The following MEOX2 variants were observed in gnomAD, a reference collection of about 807,000 sequenced individuals.
The protein encoded by MEOX2 is homeobox protein MOX-2.
A neutral mutation model predicts 27.0 loss-of-function variants in MEOX2; 11 were observed. The ratio of observed to expected loss-of-function variants is 0.41; its 90% confidence interval spans 0.26 to 0.68. The LOEUF (loss-of-function observed/expected upper bound fraction) is 0.68, where lower values mean the gene tolerates loss of function less well. Among genes scored for constraint, MEOX2 ranks in the 30% least tolerant of loss-of-function variants. The probability of loss-of-function intolerance (pLI) is 0.33; values close to 1 mark genes in which losing one functional copy is unlikely to be tolerated. For synonymous variants in MEOX2, 189 were observed against 155.4 expected, an observed-to-expected ratio of 1.22 and a Z score of -1.61; for missense variants, 436 against 385.4, an observed-to-expected ratio of 1.13 and a Z score of -1.10.
At chr7:15,640,097 G>A (rs13437993) in intron 1 of MEOX2, among the ~76,000 whole-genome samples, 20 of 152,038 alleles carry the variant, frequency 1.3e-4, no homozygotes, top group African/African-American at 4.8e-4. Flanking sequence ...TAATGATATT[G>A]ATTCTTCCTA....
rs566180335 is a variant in MEOX2, at chr7:15,656,812, A to C, written c.517+29074T>G. Among the ~76,000 whole-genome samples the C allele has an allele frequency of 2.0e-5, 3 of 151,888 alleles. 1 individual carries two copies. The highest frequency in any genetic ancestry group is 7.2e-5 in the African/African-American group (3 of 41,450). On this transcript the variant is annotated intron_variant, in intron 1 of 2. Coordinates refer to ENST00000262041, the MANE Select transcript of MEOX2 (RefSeq NM_005924.5). ...TTCTTTTTCCTTTTGATGTTCTAAG[A>C]TTACTTCCTTTATCATTTCTTTTTT... is the stretch of plus-strand genomic sequence containing the variant.
intron 1 of MEOX2, among the ~76,000 whole-genome samples, chr7:15,646,528 C>G (rs1049411624): frequency 6.6e-6 from 1 of 151,956 alleles, no homozygotes; most frequent in African/African-American, 2.4e-5. Context: ...TATTAAAACT[C>G]TGGGTTACTG....
intron 1 of MEOX2, among the ~76,000 whole-genome samples, chr7:15,638,256 ATTTC>A (rs1689031242): frequency 6.6e-6 from 1 of 152,032 alleles, no homozygotes; most frequent in South Asian, 2.1e-4. Flanking sequence ...GTATGCTTTT[ATTTC>A]TTTCATGTTT....
chr7:15,652,499 G>A (rs562765821), intron 1 of MEOX2, among the ~76,000 whole-genome samples: 1 of 152,064 alleles, frequency 6.6e-6, no homozygotes, highest in South Asian at 2.1e-4. Context: ...AAATATCTAA[G>A]AAGAGTATAA....
intron 2 of MEOX2, among the ~76,000 whole-genome samples, chr7:15,623,933 T>C (rs1342211171): frequency 6.6e-6 from 1 of 152,258 alleles, no homozygotes; most frequent in African/African-American, 2.4e-5. Flanking sequence ...ATATTTGTGT[T>C]ACAAAATGAT....
chr7:15,686,107 G>T lies in MEOX2; in HGVS notation c.296C>A (p.Ser99Tyr). 6.3e-7 allele frequency: 1 copy of T among 1,583,730 alleles called. No homozygotes were observed. Among genetic ancestry groups the T allele is most frequent in the Non-Finnish European group, 8.6e-7 (1 of 1,166,008 alleles). ...GCTGTGCCGAGCCGCACTCGGTGGGGAAGACATCTGCGGGAGGTGCCAGTT... is the reference window on the plus strand; with the variant it reads ...GCTGTGCCGAGCCGCACTCGGTGGGTAAGACATCTGCGGGAGGTGCCAGTT... ...QTNWHLPQMS[S>Y]PPSAARHSLC... Residue 99 changes from serine to tyrosine, a missense_variant, in exon 1 of 3, where the codon TCC becomes TAC. By Grantham distance (144) the Ser-to-Tyr change is moderately radical. Transcript: ENST00000262041.
At chr7:15,624,460 G>A (rs988711355) in intron 2 of MEOX2, among the ~76,000 whole-genome samples, 12 of 152,144 alleles carry the variant, frequency 7.9e-5, no homozygotes, top group African/African-American at 2.9e-4. Context: ...TTGGTCACAT[G>A]GCTTGCTTTG....
chr7:15,645,451 A>G (rs1452545707), intron 1 of MEOX2, among the ~76,000 whole-genome samples: 1 of 152,206 alleles, frequency 6.6e-6, no homozygotes, highest in Non-Finnish European at 1.5e-5. Flanking sequence ...AAAAGTATAG[A>G]CATGGGCTCA....
At chr7:15,672,099 A>AG (rs1210175666) in intron 1 of MEOX2, among the ~76,000 whole-genome samples, 4 of 151,222 alleles carry the variant, frequency 2.6e-5, no homozygotes, top group African/African-American at 9.8e-5. Flanking sequence ...TTTAAAAAAA[A>AG]ACAAAAAAAA....
At chr7:15,666,852 T>C (rs1323191492) in intron 1 of MEOX2, among the ~76,000 whole-genome samples, 2 of 140,536 alleles carry the variant, frequency 1.4e-5, no homozygotes, top group East Asian at 4.0e-4. Flanking sequence ...ATCCTAGGAA[T>C]AGATTTTGCA....
chr7:15,677,092 C>G (rs545388618), intron 1 of MEOX2, among the ~76,000 whole-genome samples: 3 of 152,134 alleles, frequency 2.0e-5, no homozygotes, highest in Non-Finnish European at 4.4e-5. Context: ...ATGCCGTTTA[C>G]AATTCTAAGG....
Position 15,626,903 on chromosome 7 carries a change from T to G in MEOX2, c.533A>C (p.Asn178Thr). 6.2e-7 allele frequency: 1 copy of G among 1,612,222 alleles called. No individual in the cohort carries two copies. ...KSDSSDSQEG[N>T]YKSEVNSKPR... is the part of the protein sequence containing the mutation. ...TTTGCTGTTGACTTCTGACTTGTAA[T>G]TTCCTTCCTGGGAGTCTGAAAAAAA... Residue 178 changes from asparagine to threonine, a missense_variant, in exon 2 of 3, where the codon AAT (asparagine) becomes ACT (threonine). Asn to Thr is a moderately conservative substitution (Grantham distance 65, BLOSUM62 0). Transcript: ENST00000262041.
chr7:15,619,152 T>C (rs1781174440), intron 2 of MEOX2, among the ~76,000 whole-genome samples: 1 of 152,064 alleles, frequency 6.6e-6, no homozygotes, highest in Non-Finnish European at 1.5e-5. Flanking sequence ...ATGTAGATAG[T>C]AGAAAATTTT....
chr7:15,630,565 C>T (rs1781385587), intron 1 of MEOX2, among the ~76,000 whole-genome samples: 1 of 151,966 alleles, frequency 6.6e-6, no homozygotes, highest in Non-Finnish European at 1.5e-5. Flanking sequence ...GTCTGTATAG[C>T]TTGGACTAAT....
At chr7:15,642,179 T>G (rs1583760829) in intron 1 of MEOX2, among the ~76,000 whole-genome samples, 2 of 152,336 alleles carry the variant, frequency 1.3e-5, no homozygotes, top group South Asian at 4.1e-4. Flanking sequence ...AGGGAAATTT[T>G]CTTGAATTAT....
chr7:15,673,663 C>G (rs1421992609), intron 1 of MEOX2, among the ~76,000 whole-genome samples: 1 of 149,184 alleles, frequency 6.7e-6, no homozygotes, highest in Non-Finnish European at 1.5e-5. Context: ...AAAAACGGTC[C>G]TAGCTGGTCA....
chr7:15,635,665 G>T (rs964359875), intron 1 of MEOX2, among the ~76,000 whole-genome samples: 3 of 151,858 alleles, frequency 2.0e-5, no homozygotes, highest in African/African-American at 7.2e-5. Context: ...GTTATAATTA[G>T]TTTTTTTAAA....
chr7:15,612,564 C>G lies in MEOX2; in HGVS notation c.738G>C (p.Lys246Asn). Reference protein sequence around the residue: ...QNRRMKWKRVKGGQQGAAARE... With the variant: ...QNRRMKWKRVNGGQQGAAARE... Reference sequence around the variant, plus strand: ...GAGCCGCAGCTCCTTGCTGTCCACCCTTTACCCTCTTCCACTTCATCCGCC... The same window carrying G: ...GAGCCGCAGCTCCTTGCTGTCCACCGTTTACCCTCTTCCACTTCATCCGCC... The change falls in exon 3 of 3, where the codon AAG (lysine) becomes AAC (asparagine). Residue 246 changes from lysine to asparagine, a missense_variant. Transcript: ENST00000262041. 1 of 1,614,152 alleles carries G rather than the reference C, an allele frequency of 6.2e-7. No homozygotes were observed. The highest frequency in any genetic ancestry group is 8.5e-7 in the Non-Finnish European group (1 of 1,180,036).
At chr7:15,671,090 TTCTC>T (rs935783790) in intron 1 of MEOX2, among the ~76,000 whole-genome samples, 12 of 152,256 alleles carry the variant, frequency 7.9e-5, no homozygotes, top group African/African-American at 1.9e-4. Flanking sequence ...CATTACACAA[TTCTC>T]TCTATTTTTT....
Sources: allele counts gnomAD v4.1 joint callset (sites outside exome capture counted in the v4.1 genomes callset), GRCh38; gene constraint gnomAD v4.1.1; transcripts MANE v1.5; gene names NCBI Gene and HGNC (gene_info 2026-07-23, HGNC 2026-07-21).